DNAAF11: variants seen among roughly 807,000 people sequenced by gnomAD.
The protein encoded by DNAAF11 is dynein axonemal assembly factor 11.
Under a neutral mutation model 60.8 loss-of-function variants are expected in DNAAF11, and 45 were observed. That is an observed-to-expected ratio of 0.74 (90% CI 0.58 to 0.95). The LOEUF (loss-of-function observed/expected upper bound fraction) is 0.95, where lower values mean the gene tolerates loss of function less well. DNAAF11 is among the 40% of genes least tolerant of loss of function. The pLI, the probability that DNAAF11 is intolerant of heterozygous loss-of-function variation, is 0.00. For synonymous variants in DNAAF11, 191 were observed against 183.5 expected (o/e 1.04, Z -0.33); for missense variants, 546 against 546.2 (o/e 1.00, Z 0.00).
Position 132,583,407 on chromosome 8 carries a change from G to C in DNAAF11, c.1226+287C>G, listed in dbSNP as rs112317115. Among the ~76,000 whole-genome samples the C allele has an allele frequency of 3.3e-3, 510 of 152,282 alleles. 5 individuals are homozygous for C. Among genetic ancestry groups the C allele is most frequent in the African/African-American group, 0.012 (485 of 41,564 alleles). ...GGGTAAAGCACACAGAATAGCACCT[G>C]ACACGAAGCAAGCACTTGGTAAATG... On this transcript the variant is annotated intron_variant, in intron 11 of 11. Transcript: ENST00000620350.
chr8:132,609,662 G>A (rs1240607414), intron 10 of DNAAF11, among the ~76,000 whole-genome samples: 1 of 152,088 alleles, frequency 6.6e-6, no homozygotes, highest in Non-Finnish European at 1.5e-5. Flanking sequence ...AAAGTATGCT[G>A]CCCAAGTCAC....
chr8:132,579,969 C>G (rs1434499014), intron 11 of DNAAF11, among the ~76,000 whole-genome samples: 2 of 151,206 alleles, frequency 1.3e-5, no homozygotes, highest in African/African-American at 2.4e-5. Context: ...ACATTCCAGC[C>G]TGGGCAACAA....
At chr8:132,618,700 C>G (rs1819439889) in intron 7 of DNAAF11, among the ~76,000 whole-genome samples, 1 of 151,054 alleles carries the variant, frequency 6.6e-6, no homozygotes, top group South Asian at 2.1e-4. Flanking sequence ...TGAAAAAATG[C>G]TCACCATCAC....
upstream of DNAAF11, among the ~76,000 whole-genome samples, chr8:132,679,407 C>T (rs1014938058): frequency 2.0e-5 from 3 of 152,198 alleles, no homozygotes; most frequent in African/African-American, 7.2e-5. Flanking sequence ...GTAGGATCAC[C>T]AACCACAGAG....
At chr8:132,582,418 G>A (rs1276176531) in intron 11 of DNAAF11, among the ~76,000 whole-genome samples, 12 of 152,172 alleles carry the variant, frequency 7.9e-5, no homozygotes, top group Admixed American at 6.5e-4. Flanking sequence ...AACCAGCTCC[G>A]AACTGTTTGC....
At chr8:132,582,754 T>G (rs974927730) in intron 11 of DNAAF11, among the ~76,000 whole-genome samples, 27 of 152,208 alleles carry the variant, frequency 1.8e-4, no homozygotes, top group African/African-American at 6.5e-4. Context: ...TATATATAGC[T>G]CTTGTTCAGG....
chr8:132,637,393 G>A (rs976678005), intron 4 of DNAAF11, among the ~76,000 whole-genome samples: 2 of 152,264 alleles, frequency 1.3e-5, no homozygotes, highest in Middle Eastern at 3.4e-3. Flanking sequence ...ATCACCTGAG[G>A]TCAGGAGTTC....
At chr8:132,662,982 C>T (rs550056095) in intron 1 of DNAAF11, among the ~76,000 whole-genome samples, 3 of 152,278 alleles carry the variant, frequency 2.0e-5, no homozygotes, top group South Asian at 2.1e-4. Context: ...GTAGGAGATA[C>T]GGGTGCTTGC....
chr8:132,688,093 C>G, the DNAAF11 span, among the ~76,000 whole-genome samples: 1 of 152,148 alleles, frequency 6.6e-6, no homozygotes. Flanking sequence ...AAATCTGGTT[C>G]AAATGCTGCG....
the DNAAF11 span, among the ~76,000 whole-genome samples, chr8:132,691,678 A>G: frequency 6.6e-6 from 1 of 152,160 alleles, no homozygotes; most frequent in East Asian, 1.9e-4. Context: ...TAAATAAACT[A>G]CCATTTATGA....
chr8:132,593,332 C>T (rs373546291), intron 10 of DNAAF11, among the ~76,000 whole-genome samples: 1,487 of 108,530 alleles, frequency 0.014, 35 homozygotes, highest in African/African-American at 0.046. Flanking sequence ...TATATACATA[C>T]ATATATATAT....
At chr8:132,683,319 A>G in the DNAAF11 span, among the ~76,000 whole-genome samples, 3 of 152,150 alleles carry the variant, frequency 2.0e-5, no homozygotes, top group Admixed American at 1.3e-4. Context: ...GAACACATGA[A>G]CCCAGCTCAT....
At chr8:132,628,391 G>A (rs1033700852) in intron 5 of DNAAF11, among the ~76,000 whole-genome samples, 3 of 151,804 alleles carry the variant, frequency 2.0e-5, no homozygotes, top group East Asian at 1.9e-4. Context: ...CAGCCTGGGT[G>A]ACAGAGTGAG....
chr8:132,633,351 CAT>C lies in DNAAF11; in HGVS notation c.430-390_430-389del, dbSNP rs1157934610. ...GAAAAAAAAGGCCTTGAATATTACA[CAT>C]GATTGGGCTCTAATACAAATGAGCC... On this transcript the variant is annotated intron_variant, in intron 4 of 11. Transcript: ENST00000620350. Among the ~76,000 whole-genome samples, 8 of 152,200 alleles carry C rather than the reference CAT, an allele frequency of 5.3e-5. No individual in the cohort carries two copies. The East Asian group carries it at 1.2e-3, about 22-fold the overall frequency.
intron 3 of DNAAF11, among the ~76,000 whole-genome samples, chr8:132,652,989 T>C (rs1823176566): frequency 6.6e-6 from 1 of 152,126 alleles, no homozygotes; most frequent in Non-Finnish European, 1.5e-5. Context: ...TGGACTGAAC[T>C]ATAAAATGAA....
intron 3 of DNAAF11, among the ~76,000 whole-genome samples, chr8:132,646,654 A>C (rs1217973038): frequency 6.6e-6 from 1 of 152,226 alleles, no homozygotes; most frequent in Non-Finnish European, 1.5e-5. Flanking sequence ...CTACCAAGCA[A>C]ATGGAAAACA....
At chr8:132,594,932 T>C (rs1324120491) in intron 10 of DNAAF11, among the ~76,000 whole-genome samples, 1 of 152,122 alleles carries the variant, frequency 6.6e-6, no homozygotes, top group Non-Finnish European at 1.5e-5. Context: ...CTTGTGATAA[T>C]GAGTGAATTC....
intron 5 of DNAAF11, among the ~76,000 whole-genome samples, chr8:132,626,635 A>T (rs1013638796): frequency 6.6e-6 from 1 of 152,194 alleles, no homozygotes; most frequent in Non-Finnish European, 1.5e-5. Flanking sequence ...CTTTCAGGAG[A>T]TTCTATTCTT....
At chr8:132,693,448 AGTGT>A in the DNAAF11 span, among the ~76,000 whole-genome samples, 6,027 of 148,466 alleles carry the variant, frequency 0.041, 151 homozygotes, top group Non-Finnish European at 0.06. Context: ...AATGTATGTG[AGTGT>A]GTGTGTGTGT....
Sources: gnomAD v4.1 joint callset for allele counts (sites outside exome capture counted in the v4.1 genomes callset) on GRCh38, gnomAD v4.1.1 for gene constraint, MANE v1.5 for transcripts, NCBI Gene and HGNC (gene_info 2026-07-23, HGNC 2026-07-21) for gene names.